Variants in SASH1 observed in about 807,000 individuals in gnomAD.
SASH1 encodes SAM and SH3 domain containing 1.
SASH1 carries 44 observed loss-of-function variants against 125.2 expected under a neutral mutation model. The observed-to-expected ratio is 0.35, with a 90% CI of 0.28 to 0.45. The LOEUF is 0.45. SASH1 is among the 20% of genes least tolerant of loss of function. SASH1 has a pLI of 1.00. For synonymous variants in SASH1, 639 were observed against 649.1 expected (o/e 0.98, Z 0.24); for missense variants, 1,426 against 1,614.5 (o/e 0.88, Z 2.00).
At chr6:148,468,467 T>G in intron 4 of SASH1, 78 bp from the exon 5 acceptor site, 1 of 1,087,428 alleles carries the variant, frequency 9.2e-7, no homozygotes, top group Non-Finnish European at 1.4e-6. Context: ...TGATGCTGGG[T>G]CAAACTAGTT....
chr6:148,330,652 C>G (rs146344068), intron 1 of SASH1, among the ~76,000 whole-genome samples: 1,625 of 152,302 alleles, frequency 0.011, 25 homozygotes, highest in African/African-American at 0.037. Flanking sequence ...ATGGCACGAT[C>G]TCTGCTCACT....
chr6:148,503,233 C>G (rs887119172), intron 8 of SASH1, among the ~76,000 whole-genome samples: 7 of 151,942 alleles, frequency 4.6e-5, no homozygotes, highest in Admixed American at 3.3e-4. Context: ...AACATTTTTT[C>G]AGAGCAAGTT....
intron 1 of SASH1, among the ~76,000 whole-genome samples, chr6:148,286,711 C>T (rs1014915913): frequency 6.6e-6 from 1 of 152,150 alleles, no homozygotes; most frequent in African/African-American, 2.4e-5. Flanking sequence ...AGAGCCCACC[C>T]TAGTGACTCA....
At chr6:148,344,052 CT>C (rs1372704320) in intron 1 of SASH1, among the ~76,000 whole-genome samples, 2 of 152,118 alleles carry the variant, frequency 1.3e-5, no homozygotes, top group Admixed American at 1.3e-4. Context: ...TCTAGATTTG[CT>C]TTGAGATCTT....
intron 19 of SASH1, 110 bp downstream of exon 19, chr6:148,546,256 G>A: frequency 7.9e-7 from 1 of 1,273,866 alleles, no homozygotes; most frequent in Non-Finnish European, 1.1e-6. Flanking sequence ...GCTATGGAAA[G>A]GAGACAGCTG....
intron 8 of SASH1, among the ~76,000 whole-genome samples, chr6:148,491,603 A>C (rs1025978375): frequency 6.6e-6 from 1 of 152,176 alleles, no homozygotes; most frequent in Non-Finnish European, 1.5e-5. Context: ...CCTTAAGAGC[A>C]TGTTTTATGT....
At chr6:148,440,137 G>A in intron 2 of SASH1, 47 bp from the exon 3 acceptor site, 2 of 1,577,692 alleles carry the variant, frequency 1.3e-6, no homozygotes, top group Non-Finnish European at 1.7e-6. Flanking sequence ...TTTCTCGCGT[G>A]TGACATGTTT....
At chr6:148,240,782 C>T in the SASH1 span, among the ~76,000 whole-genome samples, 1 of 152,116 alleles carries the variant, frequency 6.6e-6, no homozygotes, top group Non-Finnish European at 1.5e-5. Context: ...GCATTATTGT[C>T]ATTTGATCTG....
Position 148,519,591 on chromosome 6 carries a change from C to G in SASH1, c.907C>G (p.Arg303Gly). Residue 303 changes from arginine (R) to glycine (G), a missense_variant, in exon 10 of 20, where the codon CGG (arginine) becomes GGG (glycine). Physicochemically the swap from Arg to Gly is moderately radical, Grantham distance 125. Transcript: ENST00000367467. The surrounding 1 kb of genome is among the most constrained non-coding windows in gnomAD (Gnocchi z 4.8). ...TGAGAATTCGCCGGTCCTGGATGAA[C>G]GGTCCGCCCTCTACTCTGGCGTGCA... The part of the protein sequence containing the change: ...VFENSPVLDE[R>G]SALYSGVHKK... 6.2e-7 allele frequency: 1 copy of G among 1,614,124 alleles called. No individual in the cohort carries two copies. Among genetic ancestry groups the G allele is most frequent in the Non-Finnish European group, 8.5e-7 (1 of 1,180,008 alleles).
At chr6:148,201,499 G>A in the SASH1 span, among the ~76,000 whole-genome samples, 1 of 152,092 alleles carries the variant, frequency 6.6e-6, no homozygotes, top group Non-Finnish European at 1.5e-5. Flanking sequence ...CTGATTCAGT[G>A]GCCTAGGGTG....
intron 1 of SASH1, among the ~76,000 whole-genome samples, chr6:148,356,340 C>T (rs1781935634): frequency 6.6e-6 from 1 of 152,034 alleles, no homozygotes; most frequent in Non-Finnish European, 1.5e-5. Context: ...CTGCCTCAGC[C>T]TCCCAAAGTG....
chr6:148,490,442 T>A (rs2115221875), intron 8 of SASH1, among the ~76,000 whole-genome samples: 1 of 152,230 alleles, frequency 6.6e-6, no homozygotes, highest in South Asian at 2.1e-4. Flanking sequence ...ACTCCTGACC[T>A]TGTGATCCAC....
the SASH1 span, among the ~76,000 whole-genome samples, chr6:148,204,150 C>T: frequency 6.6e-6 from 1 of 152,280 alleles, no homozygotes; most frequent in South Asian, 2.1e-4. Flanking sequence ...TCGGGCCGCT[C>T]GGCAAGGCTC....
intron 2 of SASH1, among the ~76,000 whole-genome samples, chr6:148,438,724 G>GCAAAAAAAAAAAAAAAAAAAA: frequency 1.6e-5 from 1 of 62,644 alleles, no homozygotes; most frequent in Admixed American, 2.0e-4. Flanking sequence ...TTTCATTGTG[G>GCAAAAAAAAAAAAAAAAAAAA]CAAAAAAAAA....
intron 1 of SASH1, among the ~76,000 whole-genome samples, chr6:148,295,069 C>T (rs1040346315): frequency 6.6e-6 from 1 of 151,978 alleles, no homozygotes; most frequent in African/African-American, 2.4e-5. Flanking sequence ...CTCGTTCTCT[C>T]TCTCTCTCAC....
chr6:148,527,657 G>A, intron 12 of SASH1, 61 bp downstream of exon 12: 2 of 1,510,728 alleles, frequency 1.3e-6, no homozygotes, highest in Non-Finnish European at 1.8e-6. Flanking sequence ...GCTGAGAATG[G>A]CCCTTCTGAG....
At chr6:148,227,048 A>G in the SASH1 span, among the ~76,000 whole-genome samples, 2 of 152,178 alleles carry the variant, frequency 1.3e-5, no homozygotes, top group Non-Finnish European at 2.9e-5. Flanking sequence ...TGGGGAGGCA[A>G]CAATACCAAA....
chr6:148,512,806 A>C (rs993994836), intron 8 of SASH1: 24 of 984,944 alleles, frequency 2.4e-5, no homozygotes, highest in Admixed American at 6.1e-5. Context: ...CATAGATATT[A>C]ATACACTTTA....
chr6:148,494,782 A>C (rs1403869881), intron 8 of SASH1, among the ~76,000 whole-genome samples: 1 of 152,190 alleles, frequency 6.6e-6, no homozygotes, highest in East Asian at 1.9e-4. Context: ...AGGTAGAGAG[A>C]GCCATGTGGT....
Sources: gnomAD v4.1 joint callset for allele counts (sites outside exome capture counted in the v4.1 genomes callset) on GRCh38, gnomAD v4.1.1 for gene constraint, Gnocchi (gnomAD v3.1) non-coding constraint, MANE v1.5 for transcripts, NCBI Gene and HGNC (gene_info 2026-07-23, HGNC 2026-07-21) for gene names.